NRXN1: variants seen among roughly 807,000 people sequenced by gnomAD.
NRXN1 encodes the protein neurexin-1.
NRXN1 carries 39 observed loss-of-function variants against 150.9 expected under a neutral mutation model. The ratio of observed to expected loss-of-function variants is 0.26; its 90% CI spans 0.20 to 0.34. NRXN1 has a LOEUF of 0.34. Among genes scored for constraint, NRXN1 ranks in the 10% least tolerant of loss-of-function variants. NRXN1 has a pLI of 1.00. For synonymous variants in NRXN1, 924 were observed against 757.0 expected (o/e 1.22, Z -3.62); for missense variants, 1,815 against 1,949.9 (o/e 0.93, Z 1.30).
At chr2:50,939,881 G>C (rs1364929049) in intron 2 of NRXN1, among the ~76,000 whole-genome samples, 1 of 152,110 alleles carries the variant, frequency 6.6e-6, no homozygotes, top group African/African-American at 2.4e-5. Flanking sequence ...AGTTAACTGA[G>C]ACATGCAGAA....
At chr2:50,475,356 G>C (rs2089902824) in intron 15 of NRXN1, among the ~76,000 whole-genome samples, 1 of 151,958 alleles carries the variant, frequency 6.6e-6, no homozygotes, top group East Asian at 1.9e-4. Flanking sequence ...AATAAATATT[G>C]TCAGCCACCT....
chr2:50,858,169 C>G (rs1255538729), intron 5 of NRXN1, among the ~76,000 whole-genome samples: 4 of 151,758 alleles, frequency 2.6e-5, no homozygotes, highest in African/African-American at 7.3e-5. Context: ...TCTCAACAGG[C>G]TGGTTGAATT....
intron 21 of NRXN1, chr2:50,019,205 C>A: frequency 2.1e-6 from 1 of 471,314 alleles, no homozygotes; most frequent in Non-Finnish European, 4.4e-6. Context: ...CCCTAGCCGT[C>A]CTTCTAGTCA....
chr2:50,416,450 G>A (rs983573324), intron 17 of NRXN1, among the ~76,000 whole-genome samples: 1 of 151,960 alleles, frequency 6.6e-6, no homozygotes, highest in Admixed American at 6.6e-5. Flanking sequence ...TTGGTCTTAT[G>A]CTCTATTTCA....
At chr2:50,553,482 C>G (rs546773159) in intron 8 of NRXN1, among the ~76,000 whole-genome samples, 189 of 152,280 alleles carry the variant, frequency 1.2e-3, no homozygotes, top group Admixed American at 3.3e-3. Context: ...TACCAGTCCC[C>G]TAAAATATTG....
At chr2:50,053,667 T>G (rs1313066953) in intron 20 of NRXN1, 77 bp from the exon 21 acceptor site, 19 of 1,416,156 alleles carry the variant, frequency 1.3e-5, no homozygotes, top group Non-Finnish European at 1.9e-5. Context: ...AAAACAGATC[T>G]TTTATGGGGT....
Position 50,947,384 on chromosome 2 carries a change from T to C in NRXN1, c.773-21429A>G, listed in dbSNP as rs556074165. ...TACTATTATTTTAAAATAATTTATA[T>C]TGAATAATTTAAAAATATATTCTTA... On this transcript the variant is annotated intron_variant, in intron 2 of 22. Transcript: ENST00000401669. Among the ~76,000 whole-genome samples the C allele has an allele frequency of 2.0e-5, 3 of 152,056 alleles. No individual in the cohort carries two copies. The East Asian group carries it at 5.8e-4, about 29-fold the overall frequency.
At chr2:50,570,333 T>A (rs1422780983) in intron 8 of NRXN1, among the ~76,000 whole-genome samples, 1 of 152,146 alleles carries the variant, frequency 6.6e-6, no homozygotes, top group Non-Finnish European at 1.5e-5. Flanking sequence ...CTACACAAAA[T>A]GGTGGGCATT....
At chr2:50,191,980 T>C (rs1202885736) in intron 18 of NRXN1, among the ~76,000 whole-genome samples, 1 of 152,252 alleles carries the variant, frequency 6.6e-6, no homozygotes, top group East Asian at 1.9e-4. Context: ...TCATATGCTA[T>C]ATAAAAATGT....
intron 2 of NRXN1, among the ~76,000 whole-genome samples, chr2:50,929,251 C>T (rs1687374311): frequency 6.6e-6 from 1 of 151,944 alleles, no homozygotes; most frequent in African/African-American, 2.4e-5. Flanking sequence ...AATACAAAAA[C>T]AAATGTGCTT....
chr2:50,957,883 T>G (rs1692517288), intron 2 of NRXN1, among the ~76,000 whole-genome samples: 1 of 152,132 alleles, frequency 6.6e-6, no homozygotes, highest in Non-Finnish European at 1.5e-5. Flanking sequence ...TATAAATGAT[T>G]TATAGTATCC....
intron 18 of NRXN1, among the ~76,000 whole-genome samples, chr2:50,161,187 C>A (rs1318275243): frequency 6.6e-6 from 1 of 152,164 alleles, no homozygotes; most frequent in African/African-American, 2.4e-5. Flanking sequence ...CAACACCCAT[C>A]TGCATAATGC....
chr2:50,232,266 G>A (rs2065009065), intron 18 of NRXN1, among the ~76,000 whole-genome samples: 1 of 151,934 alleles, frequency 6.6e-6, no homozygotes, highest in Non-Finnish European at 1.5e-5. Context: ...TATCCACAGA[G>A]CCTAACATAG....
intron 5 of NRXN1, among the ~76,000 whole-genome samples, chr2:50,785,624 T>C (rs970347058): frequency 2.6e-5 from 4 of 152,110 alleles, no homozygotes; most frequent in African/African-American, 9.7e-5. Context: ...ACAGAGGGTT[T>C]TGTTGATAGA....
chr2:50,182,405 C>G (rs1471346365), intron 18 of NRXN1, among the ~76,000 whole-genome samples: 1 of 151,982 alleles, frequency 6.6e-6, no homozygotes, highest in Non-Finnish European at 1.5e-5. Context: ...CTGAATGGCT[C>G]CCACGTTTTG....
chr2:50,609,479 T>C (rs1435849144), intron 8 of NRXN1, among the ~76,000 whole-genome samples: 1 of 152,094 alleles, frequency 6.6e-6, no homozygotes, highest in Non-Finnish European at 1.5e-5. Context: ...TATACTTGAT[T>C]GAGATATTAC....
At chr2:51,016,457 A>T (rs1040866451) in intron 2 of NRXN1, among the ~76,000 whole-genome samples, 2 of 152,218 alleles carry the variant, frequency 1.3e-5, no homozygotes, top group Non-Finnish European at 2.9e-5. Flanking sequence ...ATGAACAGAC[A>T]CTTTTCAAAA....
intron 5 of NRXN1, among the ~76,000 whole-genome samples, chr2:50,734,889 T>C (rs1226479481): frequency 3.9e-5 from 6 of 152,128 alleles, no homozygotes; most frequent in Non-Finnish European, 7.4e-5. Flanking sequence ...GACTTCAACA[T>C]ATCCAAATGT....
intron 5 of NRXN1, among the ~76,000 whole-genome samples, chr2:50,664,478 G>T (rs1465955591): frequency 6.7e-6 from 1 of 149,036 alleles, no homozygotes; most frequent in Non-Finnish European, 1.5e-5. Flanking sequence ...TAGGCATTGG[G>T]TTTTTTTCTC....
Sources: allele counts gnomAD v4.1 joint callset (sites outside exome capture counted in the v4.1 genomes callset), GRCh38; gene constraint gnomAD v4.1.1; transcripts MANE v1.5; gene names NCBI Gene and HGNC (gene_info 2026-07-23, HGNC 2026-07-21).